SERBP1: variants seen among roughly 807,000 people sequenced by gnomAD.
SERBP1 encodes SERPINE1 mRNA binding protein 1, also known as SERPINE1 mRNA-binding protein 1.
A neutral mutation model predicts 50.2 loss-of-function variants in SERBP1; 6 were observed. The observed-to-expected ratio is 0.12, with a 90% confidence interval of 0.07 to 0.24. The LOEUF is 0.24. Ranked by LOEUF, SERBP1 falls within the 10% of genes least tolerant of loss-of-function variation. The probability of loss-of-function intolerance (pLI) is 1.00; values close to 1 mark genes in which losing one functional copy is unlikely to be tolerated. For missense variants in SERBP1, 346 were observed against 524.9 expected (o/e 0.66, Z 3.33); for synonymous variants, 168 against 182.8 (o/e 0.92, Z 0.65).
chr1:67,426,318 T>C, intron 1 of SERBP1, 33 bp from the exon 2 acceptor site: 6 of 1,539,844 alleles, frequency 3.9e-6, no homozygotes, highest in Non-Finnish European at 4.4e-6. Flanking sequence ...ATAAGCAAAT[T>C]ATTTTTGCAA....
At chr1:67,424,102 G>T in intron 5 of SERBP1, 98 bp downstream of exon 5, 1 of 1,250,382 alleles carries the variant, frequency 8.0e-7, no homozygotes, top group Non-Finnish European at 1.1e-6. Flanking sequence ...AAAACAAAAA[G>T]CCATCAAGTA....
chr1:67,428,049 C>T (rs1202733806), intron 1 of SERBP1, among the ~76,000 whole-genome samples: 1 of 152,202 alleles, frequency 6.6e-6, no homozygotes, highest in African/African-American at 2.4e-5. Context: ...ATCAGGTTAA[C>T]CTTCCTACTA....
intron 6 of SERBP1, among the ~76,000 whole-genome samples, chr1:67,418,297 GTTTT>G (rs879436144): frequency 6.7e-6 from 1 of 149,054 alleles, no homozygotes; most frequent in South Asian, 2.1e-4. Flanking sequence ...TTCTAATGCA[GTTTT>G]TTTTCTACAG....
rs1334889335 is a variant in SERBP1 at position 67,415,394 on chromosome 1, AT to A, written c.952-56del. ...ATTAGTAGAAAAGTAACATTGCAAA[AT>A]TTCTAAATAATGAGCTTTCTTCTAA... On this transcript the variant is annotated intron_variant, in intron 6 of 7. Coordinates refer to ENST00000361219, the MANE Select transcript of SERBP1 (RefSeq NM_001018069.2). 3.5e-6 allele frequency: 5 copies of A among 1,447,524 alleles called. No individual in the cohort carries two copies. In the African/African-American group the frequency reaches 7.2e-5, roughly 21 times the overall value. 89.7% of individuals were successfully genotyped at this position (1,447,524 alleles called of 1,614,324 possible).
intron 6 of SERBP1, among the ~76,000 whole-genome samples, chr1:67,415,742 TA>T (rs930458983): frequency 1.3e-5 from 2 of 152,148 alleles, no homozygotes; most frequent in African/African-American, 4.8e-5. Flanking sequence ...AGATGACATA[TA>T]AGGTTACTAC....
At chr1:67,415,802 T>C (rs1378847033) in intron 6 of SERBP1, among the ~76,000 whole-genome samples, 2 of 152,078 alleles carry the variant, frequency 1.3e-5, no homozygotes, top group Admixed American at 1.3e-4. Context: ...AAAAACTCTG[T>C]TCTACACTCT....
chr1:67,424,180 T>G lies in SERBP1; in HGVS notation c.773+20A>C, dbSNP rs779821369. The G allele has an allele frequency of 2.5e-6, 4 of 1,599,934 alleles. No individual in the cohort carries two copies. The Admixed American group carries it at 7.0e-5, about 28-fold the overall frequency. The stretch of plus-strand genomic sequence containing the variant: ...TGCTTTCAATTCTGGGTCATTACTA[T>G]TACACGCAATACCACTTACTTATTT... On this transcript the variant is annotated intron_variant, in intron 5 of 7. Transcript: ENST00000361219.
At chr1:67,414,366 T>TA (rs35420269) in intron 7 of SERBP1, among the ~76,000 whole-genome samples, 16 of 150,614 alleles carry the variant, frequency 1.1e-4, no homozygotes, top group Middle Eastern at 6.9e-3. Context: ...ACCACCACCT[T>TA]AAAAAAAAAA....
Position 67,409,960 on chromosome 1 carries a change from C to T in SERBP1, c.*3247G>A, listed in dbSNP as rs540256910. On this transcript the variant is annotated 3_prime_UTR_variant, in exon 8 of 8. Coordinates refer to ENST00000361219, the MANE Select transcript of SERBP1 (RefSeq NM_001018069.2). ...TCTCGCTGGTACATGTTCAGACTTGCTAAAACTTATTTACATATTTGTCTC... is the reference window on the plus strand; with the variant it reads ...TCTCGCTGGTACATGTTCAGACTTGTTAAAACTTATTTACATATTTGTCTC... 6.6e-6 allele frequency: 1 copy of T among 152,260 alleles called. No individual in the cohort carries two copies. Among genetic ancestry groups the T allele is most frequent in the South Asian group, 2.1e-4 (1 of 4,824 alleles). The allele number at this position is 152,260 out of a possible 1,614,324, so 9.4% of individuals were successfully genotyped here. A position where few individuals can be genotyped will look rare whatever the true frequency, so the allele number is the denominator to read the frequency against.
chr1:67,429,886 G>A (rs1013051436), intron 1 of SERBP1, 102 bp downstream of exon 1: 24 of 1,284,284 alleles, frequency 1.9e-5, no homozygotes, highest in East Asian at 4.8e-5. Flanking sequence ...AGGCGGCAAA[G>A]TCTCCCGCGG....
At chr1:67,421,395 T>G (rs1002505126) in intron 5 of SERBP1, among the ~76,000 whole-genome samples, 1 of 152,212 alleles carries the variant, frequency 6.6e-6, no homozygotes, top group Non-Finnish European at 1.5e-5. Flanking sequence ...AAGCTATATA[T>G]AAGTTAGTTC....
chr1:67,429,966 CCA>C lies in SERBP1; in HGVS notation c.313+20_313+21del. 1.3e-6 allele frequency: 2 copies of C among 1,578,934 alleles called. No individual in the cohort carries two copies. The highest frequency in any genetic ancestry group is 2.7e-5 in the African/African-American group (2 of 73,932). The stretch of plus-strand genomic sequence containing the variant: ...CTCCTTCCCTCCATCCCAGTCTCCC[CCA>C]CATTCTGCCCCTGCTTTACCTTCTT... On this transcript the variant is annotated intron_variant, in intron 1 of 7. Coordinates refer to ENST00000361219, the MANE Select transcript of SERBP1 (RefSeq NM_001018069.2).
chr1:67,411,753 T>C lies in SERBP1; in HGVS notation c.*1454A>G, dbSNP rs1276626521. 5 of 152,216 alleles carry C rather than the reference T, an allele frequency of 3.3e-5. No homozygotes were observed. The highest frequency in any genetic ancestry group is 9.6e-5 in the African/African-American group (4 of 41,460). The allele number at this position is 152,216 out of a possible 1,614,324, so 9.4% of individuals were successfully genotyped here. On this transcript the variant is annotated 3_prime_UTR_variant, in exon 8 of 8. Coordinates refer to ENST00000361219, the MANE Select transcript of SERBP1 (RefSeq NM_001018069.2). The stretch of plus-strand genomic sequence containing the variant: ...ATTTTTAAAACTGGACATTACCATA[T>C]ACAGGTAGAACATTTCTAAAAATGA...
intron 6 of SERBP1, among the ~76,000 whole-genome samples, chr1:67,416,940 A>T (rs1198557196): frequency 6.6e-6 from 1 of 152,222 alleles, no homozygotes; most frequent in Non-Finnish European, 1.5e-5. Flanking sequence ...AAATATTCAG[A>T]AAAAAATAAA....
In SERBP1 at chr1:67,409,430, C is replaced by CACACACACACACACACACA. The variant is rs1264200348; in HGVS notation, c.*3776_*3777insTGTGTGTGTGTGTGTGTGT. 19 of 148,460 alleles carry CACACACACACACACACACA rather than the reference C, an allele frequency of 1.3e-4. No homozygotes were observed. Among genetic ancestry groups the CACACACACACACACACACA allele is most frequent in the African/African-American group, 4.9e-4 (19 of 39,058 alleles). The allele number at this position is 148,460 out of a possible 1,614,324, so 9.2% of individuals were successfully genotyped here. ...ACACACACACACACACCCCCACACA[C>CACACACACACACACACACA]ACCAGGTCACAGGCTGAACTTTGCT... On this transcript the variant is annotated 3_prime_UTR_variant, in exon 8 of 8. Coordinates refer to ENST00000361219, the MANE Select transcript of SERBP1 (RefSeq NM_001018069.2).
At chr1:67,417,676 A>G (rs1369561635) in intron 6 of SERBP1, among the ~76,000 whole-genome samples, 3 of 151,780 alleles carry the variant, frequency 2.0e-5, no homozygotes, top group Non-Finnish European at 2.9e-5. Context: ...CCACATCCAG[A>G]TAATTTTTAT....
intron 1 of SERBP1, among the ~76,000 whole-genome samples, chr1:67,427,671 C>A (rs1667431941): frequency 6.6e-6 from 1 of 152,186 alleles, no homozygotes. Context: ...CCAGTCCTTG[C>A]AATAATATCC....
rs758405734 is a variant in SERBP1, at chr1:67,415,351, A to C, written c.952-12T>G. On this transcript the variant is annotated splice_polypyrimidine_tract_variant and intron_variant, in intron 6 of 7. Coordinates refer to ENST00000361219, the MANE Select transcript of SERBP1 (RefSeq NM_001018069.2). ...TCTTCAGCATGAGCCTAAAAATATA[A>C]GTGAAGATGATTGTGTTATTAGTAG... 6.4e-7 allele frequency: 1 copy of C among 1,554,764 alleles called. No homozygotes were observed. The highest frequency in any genetic ancestry group is 2.3e-5 in the East Asian group (1 of 43,160).
chr1:67,415,378 AAAGT>A, intron 6 of SERBP1, 39 bp from the exon 7 acceptor site: 1 of 1,481,690 alleles, frequency 6.7e-7, no homozygotes, highest in Non-Finnish European at 9.0e-7. Context: ...TATTAGTAGA[AAAGT>A]AACATTGCAA....
Sources: gnomAD v4.1 joint callset for allele counts (sites outside exome capture counted in the v4.1 genomes callset) on GRCh38, gnomAD v4.1.1 for gene constraint, MANE v1.5 for transcripts, NCBI Gene and HGNC (gene_info 2026-07-23, HGNC 2026-07-21) for gene names.